LINGO2: variants seen among roughly 807,000 people sequenced by gnomAD.
The protein encoded by LINGO2 is leucine-rich repeat and immunoglobulin-like domain-containing nogo receptor-interacting protein 2.
LINGO2 carries 14 observed loss-of-function variants against 30.6 expected under a neutral mutation model. The ratio of observed to expected loss-of-function variants is 0.46; its 90% CI spans 0.30 to 0.72. The LOEUF is 0.72. Ranked by LOEUF, LINGO2 falls within the 30% of genes least tolerant of loss-of-function variation. LINGO2 has a pLI of 0.07. For missense variants in LINGO2, 729 were observed against 751.7 expected (o/e 0.97, Z 0.35); for synonymous variants, 317 against 288.5 (o/e 1.10, Z -1.00).
At chr9:28,076,148 A>G (rs1365428055) in intron 4 of LINGO2, among the ~76,000 whole-genome samples, 1 of 151,972 alleles carries the variant, frequency 6.6e-6, no homozygotes, top group Non-Finnish European at 1.5e-5. Context: ...ACCACAATTC[A>G]CCCCACATTT....
At chr9:28,696,883 A>G in the LINGO2 span, among the ~76,000 whole-genome samples, 1 of 151,864 alleles carries the variant, frequency 6.6e-6, no homozygotes, top group Non-Finnish European at 1.5e-5. Flanking sequence ...AAAACAATAT[A>G]CGTTTTGTGC....
intron 4 of LINGO2, among the ~76,000 whole-genome samples, chr9:28,251,300 C>T (rs2134010519): frequency 6.6e-6 from 1 of 152,238 alleles, no homozygotes; most frequent in South Asian, 2.1e-4. Flanking sequence ...GTTCCCTTAT[C>T]TCTCAGCTTC....
intron 4 of LINGO2, among the ~76,000 whole-genome samples, chr9:28,137,286 T>C (rs1044896549): frequency 4.6e-5 from 7 of 151,900 alleles, no homozygotes; most frequent in Non-Finnish European, 1.0e-4. Context: ...TGTAAAATGA[T>C]TGTATACAAG....
chr9:28,534,821 A>T (rs1185018894), intron 1 of LINGO2, among the ~76,000 whole-genome samples: 2 of 152,140 alleles, frequency 1.3e-5, no homozygotes, highest in African/African-American at 4.8e-5. Flanking sequence ...CCATGGAGCT[A>T]AATTTAAAGG....
chr9:29,088,851 G>C, the LINGO2 span, among the ~76,000 whole-genome samples: 1 of 152,072 alleles, frequency 6.6e-6, no homozygotes, highest in African/African-American at 2.4e-5. Context: ...TAAAATCCAA[G>C]TAAAATGTTT....
At chr9:28,725,961 C>G in the LINGO2 span, among the ~76,000 whole-genome samples, 21 of 152,088 alleles carry the variant, frequency 1.4e-4, no homozygotes, top group African/African-American at 4.8e-4. Context: ...AAGGTTAAAT[C>G]CAATGTAATA....
chr9:28,671,673 G>A (rs141259887), upstream of LINGO2, among the ~76,000 whole-genome samples: 971 of 151,916 alleles, frequency 6.4e-3, 11 homozygotes, highest in Non-Finnish European at 0.011. Flanking sequence ...AAAAAATTAC[G>A]TATCACGTAC....
chr9:28,641,327 C>G lies in LINGO2; in HGVS notation c.-365+28873G>C, dbSNP rs780453808. Among the ~76,000 whole-genome samples, 6 of 152,200 alleles carry G rather than the reference C, an allele frequency of 3.9e-5. No individual in the cohort carries two copies. In the South Asian group the frequency reaches 1.2e-3, roughly 32 times the overall value. On this transcript the variant is annotated intron_variant, in intron 1 of 5. Transcript: ENST00000379992. ...CTAGGATTACAGGCGTGAGCCACCG[C>G]GCCCGGCCTCAGAGGTTTTAAAGAA...
rs1012396308 is a variant in LINGO2, at chr9:28,502,078, T to G, written c.-364-26053A>C. Among the ~76,000 whole-genome samples the G allele has an allele frequency of 2.0e-5, 3 of 150,684 alleles. No homozygotes were observed. The South Asian group carries it at 6.3e-4, about 31-fold the overall frequency. On this transcript the variant is annotated intron_variant, in intron 1 of 5. Transcript: ENST00000379992. ...AAGAAAGGAGGGAGGAAGACAAAGG[T>G]TGATAATGCACATTGCAGGTTTTGG... is the stretch of plus-strand genomic sequence containing the variant.
At chr9:28,203,946 C>T (rs972636215) in intron 4 of LINGO2, among the ~76,000 whole-genome samples, 1 of 152,176 alleles carries the variant, frequency 6.6e-6, no homozygotes, top group African/African-American at 2.4e-5. Context: ...GGTTGTTCCT[C>T]AGAGCCTTTC....
chr9:28,016,640 CTG>C (rs1822852967), intron 4 of LINGO2, among the ~76,000 whole-genome samples: 1 of 87,404 alleles, frequency 1.1e-5, no homozygotes, highest in African/African-American at 4.8e-5. Flanking sequence ...CAGGAAGACA[CTG>C]AATCTCCAAA....
chr9:28,343,563 G>A (rs1315857153), intron 3 of LINGO2, among the ~76,000 whole-genome samples: 1 of 152,128 alleles, frequency 6.6e-6, no homozygotes, highest in Non-Finnish European at 1.5e-5. Context: ...TTGGGACTGA[G>A]ATGAAAATTT....
At chr9:28,903,537 G>T in the LINGO2 span, among the ~76,000 whole-genome samples, 1 of 152,104 alleles carries the variant, frequency 6.6e-6, no homozygotes, top group South Asian at 2.1e-4. Flanking sequence ...GTGTGGTAGT[G>T]CAATCAAAGC....
chr9:28,071,288 C>T (rs1036605133), intron 4 of LINGO2, among the ~76,000 whole-genome samples: 6 of 152,070 alleles, frequency 3.9e-5, no homozygotes, highest in African/African-American at 1.4e-4. Flanking sequence ...ATCAAGTTTG[C>T]AGCCATAGTC....
chr9:28,338,685 T>A (rs1825668987), intron 3 of LINGO2, among the ~76,000 whole-genome samples: 1 of 152,146 alleles, frequency 6.6e-6, no homozygotes, highest in African/African-American at 2.4e-5. Context: ...TCACAAGATC[T>A]GATGGGTATA....
chr9:28,000,149 G>A (rs923554513), intron 5 of LINGO2, among the ~76,000 whole-genome samples: 19 of 152,280 alleles, frequency 1.2e-4, no homozygotes, highest in East Asian at 1.2e-3. Context: ...CACATTCACC[G>A]AAGAAGCTCT....
the LINGO2 span, among the ~76,000 whole-genome samples, chr9:29,108,677 G>A: frequency 5.9e-5 from 9 of 152,188 alleles, no homozygotes; most frequent in Admixed American, 1.3e-4. Context: ...TTAGAGGTAT[G>A]CATAGATGCA....
the LINGO2 span, among the ~76,000 whole-genome samples, chr9:28,920,662 A>G: frequency 6.6e-6 from 1 of 152,174 alleles, no homozygotes. Flanking sequence ...TTTGCAAAAA[A>G]GAATGTAGTA....
At chr9:28,851,441 G>T in the LINGO2 span, among the ~76,000 whole-genome samples, 1 of 151,976 alleles carries the variant, frequency 6.6e-6, no homozygotes, top group African/African-American at 2.4e-5. Flanking sequence ...ATTATATTGG[G>T]TCTACCCAGG....
Sources: gnomAD v4.1 joint callset for allele counts (sites outside exome capture counted in the v4.1 genomes callset) on GRCh38, gnomAD v4.1.1 for gene constraint, MANE v1.5 for transcripts, NCBI Gene and HGNC (gene_info 2026-07-23, HGNC 2026-07-21) for gene names.